Variants in TJP1 observed in about 807,000 individuals in gnomAD.
TJP1 encodes the protein tight junction protein 1.
TJP1 carries 43 observed loss-of-function variants against 194.2 expected under a neutral mutation model. The observed-to-expected ratio is 0.22, with a 90% confidence interval of 0.17 to 0.29. The LOEUF (loss-of-function observed/expected upper bound fraction) is 0.29. TJP1 is among the 10% of genes least tolerant of loss of function. The probability of loss-of-function intolerance (pLI) is 1.00; values close to 1 mark genes in which losing one functional copy is unlikely to be tolerated. For missense variants in TJP1, 1,971 were observed against 2,185.7 expected (o/e 0.90, Z 1.96); for synonymous variants, 801 against 779.0 (o/e 1.03, Z -0.47).
In TJP1 at chr15:29,911,822, C is replaced by T. The variant is rs137991442; in HGVS notation, c.306+44410G>A. 5.8e-3 allele frequency among the ~76,000 whole-genome samples: 886 copies of T among 152,296 alleles called. 6 individuals carry two copies. Among genetic ancestry groups the T allele is most frequent in the Admixed American group, 9.0e-3 (137 of 15,292 alleles). On this transcript the variant is annotated intron_variant, in intron 2 of 28. Transcript: ENST00000356107. ...AATTATTTTTGTTAAGCATGCATTC[C>T]TCTGTTGACTCAACTAAGACTCAGG... is the stretch of plus-strand genomic sequence containing the variant.
chr15:29,902,695 C>T (rs905516816), intron 2 of TJP1, among the ~76,000 whole-genome samples: 1 of 152,122 alleles, frequency 6.6e-6, no homozygotes, highest in Non-Finnish European at 1.5e-5. Flanking sequence ...ATCAACAAGT[C>T]AGCAAGTTAA....
At chr15:29,706,212 C>T (rs886083879) in intron 25 of TJP1, among the ~76,000 whole-genome samples, 13 of 152,190 alleles carry the variant, frequency 8.5e-5, no homozygotes, top group Admixed American at 7.2e-4. Flanking sequence ...AGGTTACAGG[C>T]GTGAGCCACC....
intron 2 of TJP1, among the ~76,000 whole-genome samples, chr15:29,827,812 A>G (rs532120304): frequency 7.6e-4 from 115 of 152,224 alleles, no homozygotes; most frequent in Middle Eastern, 3.4e-3. Flanking sequence ...AAGGGCCCCT[A>G]GATTATAGAG....
At position 29,700,603 on chromosome 15, in the gene TJP1, G is replaced by A. The variant is rs562534672; in HGVS notation, c.*992C>T. 7.9e-6 allele frequency: 3 copies of A among 378,070 alleles called. No homozygotes were observed. The highest frequency in any genetic ancestry group is 7.5e-5 in the East Asian group (2 of 26,512). The allele number at this position is 378,070 out of a possible 1,614,324, so 23.4% of individuals were successfully genotyped here. On this transcript the variant is annotated 3_prime_UTR_variant, in exon 28 of 28. Coordinates refer to ENST00000614355, the MANE Select transcript of TJP1 (RefSeq NM_001330239.4). ...TATAAAAAAGGTAAAGTTTATAAAA[G>A]TTAATTTACAAACCAAGAACAAAAG...
In TJP1 at chr15:29,818,979, G is replaced by A. The variant is rs563026729; in HGVS notation, c.27+3023C>T. On this transcript the variant is annotated intron_variant, in intron 1 of 27. Coordinates refer to ENST00000614355, the MANE Select transcript of TJP1 (RefSeq NM_001330239.4). ...ATTATAGGCACGCGCCACCATGCCC[G>A]GCTAATTTTTGTATTTTTAGTAGAG... 3.4e-5 allele frequency among the ~76,000 whole-genome samples: 5 copies of A among 148,306 alleles called. No individual in the cohort carries two copies. The East Asian group carries it at 1.0e-3, about 30-fold the overall frequency.
intron 2 of TJP1, among the ~76,000 whole-genome samples, chr15:29,898,286 G>A (rs148435562): frequency 5.4e-4 from 82 of 152,180 alleles, no homozygotes; most frequent in Non-Finnish European, 9.9e-4. Flanking sequence ...CTTGTCTGCC[G>A]CCATGTGAGA....
intron 2 of TJP1, among the ~76,000 whole-genome samples, chr15:29,941,556 G>A (rs888505307): frequency 2.0e-5 from 3 of 152,148 alleles, no homozygotes; most frequent in Admixed American, 2.0e-4. Context: ...GCTGGTGTGA[G>A]CTCCATCTCC....
intron 18 of TJP1, among the ~76,000 whole-genome samples, chr15:29,722,236 GC>G (rs1183227898): frequency 3.3e-5 from 5 of 152,234 alleles, no homozygotes; most frequent in African/African-American, 1.2e-4. Context: ...CTATGCGGCA[GC>G]CCCTCCCATC....
chr15:29,754,926 T>C (rs541334344), intron 8 of TJP1, among the ~76,000 whole-genome samples: 1 of 152,170 alleles, frequency 6.6e-6, no homozygotes, highest in East Asian at 1.9e-4. Flanking sequence ...AAATAATATT[T>C]ATAGTTCTCA....
intron 16 of TJP1, among the ~76,000 whole-genome samples, chr15:29,727,429 G>C (rs1255511525): frequency 6.6e-6 from 1 of 152,084 alleles, no homozygotes; most frequent in Non-Finnish European, 1.5e-5. Flanking sequence ...ATATTTCAGT[G>C]GTAACAGATC....
At chr15:29,821,794 G>A (rs1204267542) in intron 1 of TJP1, among the ~76,000 whole-genome samples, 5 of 148,082 alleles carry the variant, frequency 3.4e-5, no homozygotes, top group Non-Finnish European at 7.5e-5. Flanking sequence ...CTCCCCGGCC[G>A]CCCCCAGTGC....
At chr15:29,773,478 A>G (rs1325195495) in intron 2 of TJP1, 121 bp from the exon 3 acceptor site, 2 of 932,652 alleles carry the variant, frequency 2.1e-6, no homozygotes, top group Non-Finnish European at 3.2e-6. Context: ...TGTGATCCAT[A>G]AACACTCACC....
chr15:29,852,249 A>G (rs1359811475), intron 2 of TJP1, among the ~76,000 whole-genome samples: 1 of 152,244 alleles, frequency 6.6e-6, no homozygotes, highest in Non-Finnish European at 1.5e-5. Flanking sequence ...AGAATATACA[A>G]TGAAGTCTTA....
intron 8 of TJP1, among the ~76,000 whole-genome samples, chr15:29,756,373 C>G (rs2045643254): frequency 6.6e-6 from 1 of 152,200 alleles, no homozygotes; most frequent in Non-Finnish European, 1.5e-5. Context: ...AAAAACAAAA[C>G]TATTTTAACA....
At chr15:29,762,091 A>G (rs867828017) in intron 6 of TJP1, among the ~76,000 whole-genome samples, 32 of 152,320 alleles carry the variant, frequency 2.1e-4, no homozygotes, top group South Asian at 8.3e-4. Flanking sequence ...ATGTGTAAGA[A>G]CAGACATATC....
At chr15:29,791,413 C>CTTTTTTTTTTTTT (rs34201715) in intron 2 of TJP1, among the ~76,000 whole-genome samples, 1 of 51,190 alleles carries the variant, frequency 2.0e-5, no homozygotes, top group African/African-American at 8.0e-5. Flanking sequence ...CCATAATATT[C>CTTTTTTTTTTTTT]TTTTTTTTTT....
At chr15:29,958,340 A>G (rs1486702101) in intron 1 of TJP1, among the ~76,000 whole-genome samples, 16 of 150,300 alleles carry the variant, frequency 1.1e-4, no homozygotes, top group Admixed American at 1.1e-3. Flanking sequence ...AGTAGCATGT[A>G]GCTGGATTTT....
intron 1 of TJP1, among the ~76,000 whole-genome samples, chr15:29,812,964 G>A (rs940978827): frequency 1.3e-5 from 2 of 151,702 alleles, no homozygotes; most frequent in Non-Finnish European, 2.9e-5. Context: ...TAACACTCCA[G>A]TAAGTATTAA....
rs762392395 is a variant in TJP1, at chr15:29,708,910, G to T, written c.4499C>A (p.Pro1500His). Residue 1500 changes from proline (P) to histidine (H), a missense_variant, in exon 25 of 28, where the codon CCC (proline) becomes CAC (histidine). By Grantham distance (77) the Pro-to-His change is moderately conservative (BLOSUM62 -2). This residue lies in a region of TJP1 where 1,108 missense variants were observed against 1,128.5 expected (regional missense o/e 0.98). Coordinates refer to ENST00000614355, the MANE Select transcript of TJP1 (RefSeq NM_001330239.4). Reference sequence around the variant, plus strand: ...GGCTTTATCTGGAAAACTTTTCTGGGGATAGAAAGCTGCCTGAGCAGTATC... The same window carrying T: ...GGCTTTATCTGGAAAACTTTTCTGGTGATAGAAAGCTGCCTGAGCAGTATC... ...REDTAQAAFY[P>H]QKSFPDKAPV... The T allele has an allele frequency of 1.2e-6, 2 of 1,614,078 alleles. No homozygotes were observed. Among genetic ancestry groups the T allele is most frequent in the South Asian group, 1.1e-5 (1 of 91,062 alleles).
Sources: allele counts gnomAD v4.1 joint callset (sites outside exome capture counted in the v4.1 genomes callset), GRCh38; gene constraint gnomAD v4.1.1; regional missense constraint gnomAD v4.1.1; transcripts MANE v1.5; gene names NCBI Gene and HGNC (gene_info 2026-07-23, HGNC 2026-07-21).